Variants in GABRB3 observed in about 807,000 individuals in gnomAD.
The protein encoded by GABRB3 is gamma-aminobutyric acid type A receptor subunit beta3, also known as gamma-aminobutyric acid receptor subunit beta-3.
A neutral mutation model predicts 52.1 loss-of-function variants in GABRB3; 14 were observed. That is an observed-to-expected ratio of 0.27 (90% CI 0.18 to 0.42). The LOEUF (loss-of-function observed/expected upper bound fraction) is 0.42, where lower values mean the gene tolerates loss of function less well. Among genes scored for constraint, GABRB3 ranks in the 10% least tolerant of loss-of-function variants. The probability of loss-of-function intolerance (pLI) is 1.00; values close to 1 mark genes in which losing one functional copy is unlikely to be tolerated. For missense variants in GABRB3, 307 were observed against 609.1 expected (o/e 0.50, Z 5.22); for synonymous variants, 260 against 232.3 (o/e 1.12, Z -1.08).
chr15:26,667,416 T>A (rs547854870), intron 3 of GABRB3, among the ~76,000 whole-genome samples: 1 of 152,182 alleles, frequency 6.6e-6, no homozygotes, highest in East Asian at 1.9e-4. Context: ...CCGGATGGAG[T>A]GCACCAGAAG....
intron 3 of GABRB3, among the ~76,000 whole-genome samples, chr15:26,748,296 ATTC>A (rs1890406161): frequency 6.6e-6 from 1 of 152,146 alleles, no homozygotes; most frequent in Non-Finnish European, 1.5e-5. Flanking sequence ...GCTAGTAATA[ATTC>A]TTCTTTAAAT....
In GABRB3 at chr15:26,628,879, C is replaced by G. The variant is rs1359771894; in HGVS notation, c.241-7345G>C. The G allele has an allele frequency of 4.0e-6, 5 of 1,265,334 alleles. No individual in the cohort carries two copies. In the African/African-American group the frequency reaches 5.9e-5, roughly 15 times the overall value. 78.4% of individuals were successfully genotyped at this position (1,265,334 alleles called of 1,614,324 possible). On this transcript the variant is annotated intron_variant, in intron 3 of 8. Transcript: ENST00000311550. ...ACGGCAGTCCTCAAACGGAGGCTCTCAGGCCTTGGAAATCCGAGCTGGGAG... is the reference window on the plus strand; with the variant it reads ...ACGGCAGTCCTCAAACGGAGGCTCTGAGGCCTTGGAAATCCGAGCTGGGAG...
In GABRB3 at chr15:26,701,009, C is replaced by A. The variant is rs759807707; in HGVS notation, c.240+71393G>T. ...GGCGGAGTTTGCAGTGAGCCGAGAT[C>A]GCACCACTGCACTCCAGCCTGGGAG... is the stretch of plus-strand genomic sequence containing the variant. On this transcript the variant is annotated intron_variant, in intron 3 of 8. Transcript: ENST00000311550. Among the ~76,000 whole-genome samples, 3 of 151,806 alleles carry A rather than the reference C, an allele frequency of 2.0e-5. No individual in the cohort carries two copies. The South Asian group carries it at 6.2e-4, about 32-fold the overall frequency.
chr15:26,593,271 ATTACAC>A (rs1408252300), intron 4 of GABRB3, among the ~76,000 whole-genome samples: 2 of 152,192 alleles, frequency 1.3e-5, no homozygotes, highest in South Asian at 2.1e-4. Context: ...AAATTAGCAA[ATTACAC>A]TTAAACATGA....
chr15:26,713,604 C>A (rs975735543), intron 3 of GABRB3, among the ~76,000 whole-genome samples: 1 of 152,100 alleles, frequency 6.6e-6, no homozygotes, highest in African/African-American at 2.4e-5. Context: ...CCAAGAGGGG[C>A]CAACAGGGTG....
At chr15:26,681,954 T>G (rs1327328670) in intron 3 of GABRB3, among the ~76,000 whole-genome samples, 1 of 152,036 alleles carries the variant, frequency 6.6e-6, no homozygotes, top group Non-Finnish European at 1.5e-5. Context: ...TGAGACTCTG[T>G]CTCAAAAAAA....
In GABRB3 at chr15:26,583,393, G is replaced by A; in HGVS notation, c.483C>T (p.Cys161=). The change falls in exon 5 of 9, where the codon TGC becomes TGT. Residue 161 remains cysteine (C), a synonymous_variant. Coordinates refer to ENST00000311550, the MANE Select transcript of GABRB3 (RefSeq NM_000814.6). Reference sequence around the variant, plus strand: ...GGGGGTATCTCCTGAGGTCCATCATGCATGCTGCTGTCGTGGTGATTCTGA... The same window carrying A: ...GGGGGTATCTCCTGAGGTCCATCATACATGCTGCTGTCGTGGTGATTCTGA... ...YGLRITTTAA[C]MMDLRRYPLD... 1 of 1,613,882 alleles carries A rather than the reference G, an allele frequency of 6.2e-7. No individual in the cohort carries two copies. Among genetic ancestry groups the A allele is most frequent in the South Asian group, 1.1e-5 (1 of 91,068 alleles).
At chr15:26,670,970 C>T (rs924319421) in intron 3 of GABRB3, among the ~76,000 whole-genome samples, 7 of 152,128 alleles carry the variant, frequency 4.6e-5, no homozygotes, top group South Asian at 4.2e-4. Context: ...CATCAACCTC[C>T]GGGGCTCAAG....
chr15:26,768,731 C>T (rs552039234), intron 3 of GABRB3, among the ~76,000 whole-genome samples: 2 of 151,618 alleles, frequency 1.3e-5, no homozygotes, highest in African/African-American at 4.8e-5. Flanking sequence ...AAATTTTAAA[C>T]AGGGGCTAAG....
At chr15:26,679,977 T>C (rs1888187835) in intron 3 of GABRB3, among the ~76,000 whole-genome samples, 2 of 152,218 alleles carry the variant, frequency 1.3e-5, no homozygotes, top group Admixed American at 1.3e-4. Flanking sequence ...TGTCATTCAT[T>C]TTGTTGGGTA....
chr15:26,679,243 T>C (rs1888163507), intron 3 of GABRB3, among the ~76,000 whole-genome samples: 1 of 152,214 alleles, frequency 6.6e-6, no homozygotes, highest in Non-Finnish European at 1.5e-5. Flanking sequence ...ACTTGCTTCT[T>C]AGCCCCTCAC....
chr15:26,601,024 T>C (rs966452768), intron 4 of GABRB3, among the ~76,000 whole-genome samples: 3 of 152,148 alleles, frequency 2.0e-5, no homozygotes, highest in Admixed American at 1.3e-4. Flanking sequence ...GTAATCAAAA[T>C]TGGCTGTTAT....
intron 3 of GABRB3, among the ~76,000 whole-genome samples, chr15:26,762,193 C>T (rs957710488): frequency 2.0e-5 from 3 of 152,082 alleles, no homozygotes. Flanking sequence ...ACATACAAAC[C>T]TCCCCTCAAT....
intron 4 of GABRB3, among the ~76,000 whole-genome samples, chr15:26,595,625 A>C (rs1188311235): frequency 1.3e-5 from 2 of 152,158 alleles, no homozygotes; most frequent in Admixed American, 6.5e-5. Flanking sequence ...TTAGTCTGCC[A>C]CTTTGCTGAT....
intron 6 of GABRB3, among the ~76,000 whole-genome samples, chr15:26,576,212 G>C (rs1009470517): frequency 6.6e-6 from 1 of 152,178 alleles, no homozygotes; most frequent in African/African-American, 2.4e-5. Context: ...CAAGCGCTTT[G>C]CTCACGTTTT....
At chr15:26,680,543 G>A (rs1490855157) in intron 3 of GABRB3, among the ~76,000 whole-genome samples, 1 of 116,096 alleles carries the variant, frequency 8.6e-6, no homozygotes, top group African/African-American at 3.0e-5. Flanking sequence ...TGGGAACACT[G>A]TTCGATATGT....
At position 26,625,846 on chromosome 15, in the gene GABRB3, G is replaced by A. The variant is rs182468591; in HGVS notation, c.241-4312C>T. On this transcript the variant is annotated intron_variant, in intron 3 of 8. Transcript: ENST00000311550. The stretch of plus-strand genomic sequence containing the variant: ...CCAAATGAGACAGACTGTTGATATC[G>A]TTTACAGAAGCAGCCCGCGTCCTCC... Among the ~76,000 whole-genome samples, 754 of 152,194 alleles carry A rather than the reference G, an allele frequency of 5.0e-3. 7 individuals carry two copies. Among genetic ancestry groups the A allele is most frequent in the African/African-American group, 0.017 (717 of 41,516 alleles).
chr15:26,717,789 T>TTG (rs1889535924), intron 3 of GABRB3, among the ~76,000 whole-genome samples: 1 of 152,210 alleles, frequency 6.6e-6, no homozygotes, highest in Non-Finnish European at 1.5e-5. Context: ...GATCTTCGTC[T>TTG]TGTCAGTCTG....
intron 3 of GABRB3, among the ~76,000 whole-genome samples, chr15:26,640,434 A>C (rs879923493): frequency 2.0e-5 from 3 of 152,044 alleles, no homozygotes; most frequent in Non-Finnish European, 4.4e-5. Context: ...GGAGAATGGC[A>C]TGAACCCGGG....
Sources: allele counts gnomAD v4.1 joint callset (sites outside exome capture counted in the v4.1 genomes callset), GRCh38; gene constraint gnomAD v4.1.1; transcripts MANE v1.5; gene names NCBI Gene and HGNC (gene_info 2026-07-23, HGNC 2026-07-21).